NAP1L4: variants seen among roughly 807,000 people sequenced by gnomAD.
NAP1L4 encodes nucleosome assembly protein 1-like 4.
A neutral mutation model predicts 58.2 loss-of-function variants in NAP1L4; 15 were observed. The ratio of observed to expected loss-of-function variants is 0.26; its 90% CI spans 0.17 to 0.40. NAP1L4 has a LOEUF of 0.40. NAP1L4 is among the 10% of genes least tolerant of loss of function. The pLI, the probability that NAP1L4 is intolerant of heterozygous loss-of-function variation, is 1.00. For synonymous variants in NAP1L4, 171 were observed against 155.6 expected, an observed-to-expected ratio of 1.10 and a Z score of -0.74; for missense variants, 384 against 451.1, an observed-to-expected ratio of 0.85 and a Z score of 1.35.
At position 2,951,682 on chromosome 11, in the gene NAP1L4, G is replaced by C; in HGVS notation, c.1065+98C>G. On this transcript the variant is annotated intron_variant, in intron 13 of 15. Transcript: ENST00000380542. This position sits in a 1 kb window ranked among gnomAD's most constrained non-coding sequence, Gnocchi z 4.0. ...ATCAAAGACAGCGTCACAAAAAATGGGTTTAACACAGCCCTGTGAGTCCAT... is the reference window on the plus strand; with the variant it reads ...ATCAAAGACAGCGTCACAAAAAATGCGTTTAACACAGCCCTGTGAGTCCAT... 2 of 1,204,664 alleles carry C rather than the reference G, an allele frequency of 1.7e-6. No individual in the cohort carries two copies. Among genetic ancestry groups the C allele is most frequent in the African/African-American group, 1.5e-5 (1 of 66,444 alleles). 74.6% of individuals were successfully genotyped at this position (1,204,664 alleles called of 1,614,324 possible).
intron 6 of NAP1L4, among the ~76,000 whole-genome samples, chr11:2,970,450 G>GT (rs751902752): frequency 6.6e-6 from 1 of 152,064 alleles, no homozygotes; most frequent in Non-Finnish European, 1.5e-5. Flanking sequence ...TGCCGCAGCA[G>GT]TATCTGCAGC....
intron 1 of NAP1L4, among the ~76,000 whole-genome samples, chr11:2,985,912 T>C (rs930634787): frequency 1.3e-5 from 2 of 152,010 alleles, no homozygotes; most frequent in Non-Finnish European, 2.9e-5. Flanking sequence ...TACACAAATG[T>C]TCTTTTATTT....
rs532801368 is a variant in NAP1L4 at position 2,968,313 on chromosome 11, C to T, written c.534+1490G>A. 3.3e-5 allele frequency among the ~76,000 whole-genome samples: 5 copies of T among 152,298 alleles called. No individual in the cohort carries two copies. In the South Asian group the frequency reaches 1.0e-3, roughly 32 times the overall value. ...TTTTGCTATTTAGTTTTCAAAGCTG[C>T]TCAGGTGATTGTAATACACAGGGTG... On this transcript the variant is annotated intron_variant, in intron 7 of 15. Transcript: ENST00000380542.
At chr11:2,969,214 CG>C (rs1564983012) in intron 7 of NAP1L4, among the ~76,000 whole-genome samples, 1 of 152,014 alleles carries the variant, frequency 6.6e-6, no homozygotes, top group African/African-American at 2.4e-5. Flanking sequence ...TGGTCTCAAA[CG>C]ATCTGCCTAC....
chr11:2,990,287 G>T (rs1848883188), intron 1 of NAP1L4: 1 of 152,018 alleles, frequency 6.6e-6, no homozygotes. Context: ...CACATCATAA[G>T]GCCCTGAAAT....
chr11:2,957,026 A>G (rs748674311), intron 10 of NAP1L4, among the ~76,000 whole-genome samples: 4 of 152,184 alleles, frequency 2.6e-5, no homozygotes, highest in Admixed American at 2.6e-4. Flanking sequence ...GACTTTCAGT[A>G]CGTTAATTTT....
chr11:2,961,750 T>C (rs1251358107), intron 8 of NAP1L4, among the ~76,000 whole-genome samples: 1 of 152,226 alleles, frequency 6.6e-6, no homozygotes, highest in African/African-American at 2.4e-5. Context: ...CAGGCTGGTC[T>C]TGAACTCCTG....
At chr11:2,968,509 G>A (rs902909421) in intron 7 of NAP1L4, among the ~76,000 whole-genome samples, 1 of 152,158 alleles carries the variant, frequency 6.6e-6, no homozygotes, top group African/African-American at 2.4e-5. Flanking sequence ...TGGTCTGGAA[G>A]GAGAATAAGA....
intron 8 of NAP1L4, among the ~76,000 whole-genome samples, chr11:2,961,395 G>A (rs1203491731): frequency 7.9e-5 from 12 of 151,326 alleles, no homozygotes; most frequent in African/African-American, 2.9e-4. Flanking sequence ...CCACACAAAC[G>A]AAAGGCCAGT....
In NAP1L4 at chr11:2,949,311, T is replaced by C; in HGVS notation, c.1123-47A>G. 6.8e-7 allele frequency: 1 copy of C among 1,471,500 alleles called. No homozygotes were observed. The highest frequency in any genetic ancestry group is 9.5e-7 in the Non-Finnish European group (1 of 1,050,656). 91.2% of individuals were successfully genotyped at this position (1,471,500 alleles called of 1,614,324 possible). ...AAGGAACTGTCAGCATGAAAGAAAA[T>C]GAAATGCACAAAATTATACAGGAGG... On this transcript the variant is annotated intron_variant, in intron 14 of 15. Transcript: ENST00000380542. This position sits in a 1 kb window ranked among gnomAD's most constrained non-coding sequence, Gnocchi z 4.0.
intron 8 of NAP1L4, among the ~76,000 whole-genome samples, chr11:2,960,343 G>A (rs1185749342): frequency 6.6e-6 from 1 of 152,198 alleles, no homozygotes; most frequent in Non-Finnish European, 1.5e-5. Context: ...TCTCTACTCT[G>A]TGCTGTGCAG....
intron 1 of NAP1L4, 70 bp downstream of exon 1, chr11:2,992,184 C>A (rs1014892710): frequency 2.0e-5 from 3 of 152,020 alleles, no homozygotes; most frequent in Admixed American, 6.6e-5. Flanking sequence ...CCCGCGGCCC[C>A]ACCCGCCCGT....
chr11:2,947,618 G>GA (rs879935518), intron 15 of NAP1L4, among the ~76,000 whole-genome samples: 3,205 of 143,506 alleles, frequency 0.022, 68 homozygotes, highest in African/African-American at 0.061. Context: ...GACACATGCC[G>GA]AAAAAAAAAA....
intron 8 of NAP1L4, 105 bp from the exon 9 acceptor site, chr11:2,960,014 A>AACACTTACTAGAAG (rs1846769507): frequency 8.3e-7 from 1 of 1,207,198 alleles, no homozygotes; most frequent in East Asian, 2.5e-5. Flanking sequence ...GGGAAAGCTC[A>AACACTTACTAGAAG]ACAGATAGGG....
At position 2,971,494 on chromosome 11, in the gene NAP1L4, G is replaced by A. The variant is rs1224720704; in HGVS notation, c.356C>T (p.Ala119Val). Residue 119 changes from alanine (A) to valine (V), a missense_variant, in exon 6 of 16, where the codon GCG (alanine) becomes GTG (valine). By Grantham distance (64) the Ala-to-Val change is moderately conservative. Transcript: ENST00000380542. This position sits in a 1 kb window ranked among gnomAD's most constrained non-coding sequence, Gnocchi z 4.2. ...ATTTTCACTGTGCCATTCCGATTCC[G>A]CATCTGTTGGTTCAACATCGCCGGT... is the stretch of plus-strand genomic sequence containing the variant. ...FITGDVEPTD[A>V]ESEWHSENEE... 3.7e-6 allele frequency: 6 copies of A among 1,613,618 alleles called. No homozygotes were observed. The highest frequency in any genetic ancestry group is 2.2e-5 in the South Asian group (2 of 91,054).
At chr11:2,990,865 G>A (rs1248826505) in intron 1 of NAP1L4, 5 of 326,166 alleles carry the variant, frequency 1.5e-5, no homozygotes, top group Non-Finnish European at 3.1e-5. Flanking sequence ...TCATTTAGAG[G>A]TATAGTTACT....
At chr11:2,962,302 G>T (rs1289018336) in intron 8 of NAP1L4, among the ~76,000 whole-genome samples, 2 of 152,222 alleles carry the variant, frequency 1.3e-5, no homozygotes, top group African/African-American at 4.8e-5. Context: ...ATAGCCAATG[G>T]CTGCAGTAAC....
chr11:2,959,791 G>A lies in NAP1L4; in HGVS notation c.725C>T (p.Pro242Leu). 6.2e-7 allele frequency: 1 copy of A among 1,614,062 alleles called. No homozygotes were observed. Among genetic ancestry groups the A allele is most frequent in the South Asian group, 1.1e-5 (1 of 91,070 alleles). Reference sequence around the variant, plus strand: ...TTACCCGTCACAGTCCACAATCTCAGGACCTTCAAAGGAAAAGGGATCAGC... The same window carrying A: ...TTACCCGTCACAGTCCACAATCTCAAGACCTTCAAAGGAAAAGGGATCAGC... ...DKADPFSFEG[P>L]EIVDCDGCTI... The change falls in exon 9 of 16, where the codon CCT becomes CTT. Residue 242 changes from proline (P) to leucine (L), a missense_variant. Pro to Leu is a moderately conservative substitution (Grantham distance 98). Coordinates refer to ENST00000380542, the MANE Select transcript of NAP1L4 (RefSeq NM_005969.4). The surrounding 1 kb of genome is among the most constrained non-coding windows in gnomAD (Gnocchi z 4.9).
chr11:2,979,507 T>C (rs1848175427), intron 1 of NAP1L4, among the ~76,000 whole-genome samples: 1 of 152,134 alleles, frequency 6.6e-6, no homozygotes, highest in African/African-American at 2.4e-5. Context: ...GCGCGGTGGT[T>C]CACGCCTGTA....
Sources: gnomAD v4.1 joint callset for allele counts (sites outside exome capture counted in the v4.1 genomes callset) on GRCh38, gnomAD v4.1.1 for gene constraint, Gnocchi (gnomAD v3.1) non-coding constraint, MANE v1.5 for transcripts, NCBI Gene and HGNC (gene_info 2026-07-23, HGNC 2026-07-21) for gene names.